The following SGCZ variants were observed in gnomAD, a reference collection of about 807,000 sequenced individuals.
SGCZ encodes the protein zeta-sarcoglycan.
SGCZ carries 40 observed loss-of-function variants against 41.3 expected under a neutral mutation model. That is an observed-to-expected ratio of 0.97 (90% CI 0.75 to 1.26). SGCZ has a LOEUF of 1.26. SGCZ is among the 50% of genes most tolerant of loss of function. The pLI is 0.00. For synonymous variants in SGCZ, 206 were observed against 137.5 expected (o/e 1.50, Z -3.49); for missense variants, 552 against 369.8 (o/e 1.49, Z -4.04).
chr8:14,465,520 A>T (rs865887791), intron 2 of SGCZ, among the ~76,000 whole-genome samples: 9 of 151,732 alleles, frequency 5.9e-5, no homozygotes, highest in African/African-American at 1.2e-4. Flanking sequence ...AGAAAGGATT[A>T]ATTTCTAACT....
At chr8:14,784,696 A>G (rs1585257509) in intron 1 of SGCZ, among the ~76,000 whole-genome samples, 1 of 151,424 alleles carries the variant, frequency 6.6e-6, no homozygotes, top group South Asian at 2.1e-4. Flanking sequence ...GGAGTTCAAG[A>G]CCAGCCTGAC....
At chr8:14,171,809 T>C (rs1374970971) in intron 4 of SGCZ, among the ~76,000 whole-genome samples, 1 of 152,136 alleles carries the variant, frequency 6.6e-6, no homozygotes, top group Admixed American at 6.5e-5. Context: ...AATTATTCTA[T>C]GTTTCATCTT....
At chr8:14,803,110 C>T (rs1455731179) in intron 1 of SGCZ, among the ~76,000 whole-genome samples, 1 of 152,100 alleles carries the variant, frequency 6.6e-6, no homozygotes, top group Admixed American at 6.6e-5. Context: ...AGTCACTGAC[C>T]ATGACATATA....
intron 1 of SGCZ, among the ~76,000 whole-genome samples, chr8:14,754,399 T>G (rs1193884021): frequency 6.6e-6 from 1 of 152,186 alleles, no homozygotes; most frequent in Non-Finnish European, 1.5e-5. Context: ...CACTCTAACA[T>G]GCCATATAAT....
intron 1 of SGCZ, among the ~76,000 whole-genome samples, chr8:14,862,833 A>C (rs757117315): frequency 6.6e-6 from 1 of 151,880 alleles, no homozygotes; most frequent in Non-Finnish European, 1.5e-5. Flanking sequence ...ACTAGTCACT[A>C]TAGCTGGGGA....
intron 3 of SGCZ, among the ~76,000 whole-genome samples, chr8:14,286,420 A>G (rs761695752): frequency 1.3e-5 from 2 of 151,966 alleles, no homozygotes; most frequent in African/African-American, 4.8e-5. Context: ...TTAAAATGAC[A>G]TAGATAACTC....
At chr8:14,893,757 C>G (rs1466872158) in intron 1 of SGCZ, among the ~76,000 whole-genome samples, 1 of 152,108 alleles carries the variant, frequency 6.6e-6, no homozygotes, top group East Asian at 1.9e-4. Flanking sequence ...CACAGAGACT[C>G]TTAAACAACA....
At chr8:14,270,620 C>A (rs907715598) in intron 3 of SGCZ, among the ~76,000 whole-genome samples, 52 of 152,044 alleles carry the variant, frequency 3.4e-4, no homozygotes, top group African/African-American at 1.0e-3. Flanking sequence ...TTGTGTGAAG[C>A]CTATACCTTT....
intron 1 of SGCZ, among the ~76,000 whole-genome samples, chr8:14,821,506 A>T (rs1394944449): frequency 2.6e-5 from 4 of 152,104 alleles, no homozygotes; most frequent in Non-Finnish European, 5.9e-5. Flanking sequence ...GAATAAGGAA[A>T]TTAAAAAAAT....
At chr8:14,309,034 G>T in intron 3 of SGCZ, 2 of 1,253,198 alleles carry the variant, frequency 1.6e-6, no homozygotes, top group Non-Finnish European at 2.2e-6. Flanking sequence ...AAATGAAACC[G>T]GAAGCCTCCC....
intron 1 of SGCZ, among the ~76,000 whole-genome samples, chr8:14,975,818 T>G (rs1382756194): frequency 6.7e-6 from 1 of 148,458 alleles, no homozygotes; most frequent in Non-Finnish European, 1.5e-5. Context: ...TATGTGTGTG[T>G]GTGTGTAGAA....
intron 1 of SGCZ, among the ~76,000 whole-genome samples, chr8:14,737,697 T>A (rs1799082714): frequency 6.6e-6 from 1 of 152,098 alleles, no homozygotes; most frequent in South Asian, 2.1e-4. Context: ...TGGCCTTCTC[T>A]CCATAACTGT....
At chr8:14,426,258 A>G (rs1407704239) in intron 2 of SGCZ, among the ~76,000 whole-genome samples, 2 of 152,174 alleles carry the variant, frequency 1.3e-5, no homozygotes, top group Non-Finnish European at 2.9e-5. Flanking sequence ...TCAGATGGCA[A>G]TAAGTGTTAT....
At chr8:14,985,096 C>G (rs749379729) in intron 1 of SGCZ, among the ~76,000 whole-genome samples, 4 of 152,022 alleles carry the variant, frequency 2.6e-5, no homozygotes, top group Non-Finnish European at 5.9e-5. Context: ...TGGTCAAATA[C>G]GAAAGAATGA....
At chr8:14,609,290 T>C (rs541563745) in intron 1 of SGCZ, among the ~76,000 whole-genome samples, 1 of 152,196 alleles carries the variant, frequency 6.6e-6, no homozygotes, top group African/African-American at 2.4e-5. Flanking sequence ...CGTTATTATA[T>C]AACGTCAATG....
At chr8:14,604,140 A>C (rs1296950731) in intron 1 of SGCZ, among the ~76,000 whole-genome samples, 1 of 152,184 alleles carries the variant, frequency 6.6e-6, no homozygotes, top group African/African-American at 2.4e-5. Flanking sequence ...ATGAAAAAAC[A>C]CTTATCAAAA....
intron 5 of SGCZ, among the ~76,000 whole-genome samples, chr8:14,128,178 G>A (rs752556650): frequency 1.1e-4 from 17 of 152,240 alleles, no homozygotes; most frequent in East Asian, 1.9e-4. Flanking sequence ...ACAGTGCTTC[G>A]ATTCTACCAC....
chr8:14,703,283 G>A (rs930854956), intron 1 of SGCZ, among the ~76,000 whole-genome samples: 13 of 151,794 alleles, frequency 8.6e-5, no homozygotes, highest in African/African-American at 3.1e-4. Context: ...CACTCTTCTT[G>A]TCTACACTGA....
intron 1 of SGCZ, among the ~76,000 whole-genome samples, chr8:14,813,369 A>G (rs1801793677): frequency 6.6e-6 from 1 of 152,214 alleles, no homozygotes; most frequent in South Asian, 2.1e-4. Context: ...GAGATGAAAC[A>G]AAACAGACAA....
Sources: gnomAD v4.1 joint callset for allele counts (sites outside exome capture counted in the v4.1 genomes callset) on GRCh38, gnomAD v4.1.1 for gene constraint, MANE v1.5 for transcripts, NCBI Gene and HGNC (gene_info 2026-07-23, HGNC 2026-07-21) for gene names.